TCN2: variants seen among roughly 807,000 people sequenced by gnomAD.
The protein encoded by TCN2 is transcobalamin-2.
TCN2 carries 34 observed loss-of-function variants against 48.6 expected under a neutral mutation model. That is an observed-to-expected ratio of 0.70 (90% CI 0.53 to 0.93). The LOEUF is 0.93. Among genes scored for constraint, TCN2 ranks in the 40% least tolerant of loss-of-function variants. TCN2 has a pLI of 0.00. For missense variants in TCN2, 652 were observed against 526.1 expected, an observed-to-expected ratio of 1.24 and a Z score of -2.34; for synonymous variants, 283 against 212.5, an observed-to-expected ratio of 1.33 and a Z score of -2.89.
chr22:30,622,817 C>A, intron 7 of TCN2, 151 bp from the exon 8 acceptor site: 1 of 775,602 alleles, frequency 1.3e-6, no homozygotes, highest in Non-Finnish European at 2.2e-6. Context: ...AAGTTGAGAT[C>A]ACAGACCTGT....
At chr22:30,610,849 T>C (rs2087527219) in intron 1 of TCN2, 22 bp from the exon 2 acceptor site, 1 of 1,614,030 alleles carries the variant, frequency 6.2e-7, no homozygotes. Context: ...GTGACCTCAT[T>C]TGTACCATTT....
chr22:30,613,673 C>T (rs978135396), intron 3 of TCN2, among the ~76,000 whole-genome samples: 1 of 152,198 alleles, frequency 6.6e-6, no homozygotes, highest in Non-Finnish European at 1.5e-5. Flanking sequence ...ACGCCATAGT[C>T]TGTCTCTACT....
At chr22:30,623,429 T>C in intron 8 of TCN2, 1 of 219,328 alleles carries the variant, frequency 4.6e-6, no homozygotes, top group South Asian at 6.0e-5. Context: ...CTCGGCTCGC[T>C]GCAACCTCCG....
At chr22:30,608,544 A>G (rs189714446) in intron 1 of TCN2, among the ~76,000 whole-genome samples, 96 of 152,110 alleles carry the variant, frequency 6.3e-4, no homozygotes, top group Middle Eastern at 3.4e-3. Context: ...GCATACTACC[A>G]TGCTTGGCTA....
chr22:30,622,269 G>C (rs1248423004), intron 7 of TCN2, among the ~76,000 whole-genome samples: 1 of 152,230 alleles, frequency 6.6e-6, no homozygotes, highest in Non-Finnish European at 1.5e-5. Flanking sequence ...TTACAGGGTT[G>C]AGCCACTGTG....
chr22:30,624,372 C>T (rs1033249873), intron 8 of TCN2, among the ~76,000 whole-genome samples: 1 of 151,940 alleles, frequency 6.6e-6, no homozygotes, highest in Non-Finnish European at 1.5e-5. Context: ...CCACGCCTGG[C>T]CTGCAAACAG....
intron 2 of TCN2, 141 bp downstream of exon 2, chr22:30,611,204 C>G: frequency 9.9e-7 from 1 of 1,011,190 alleles, no homozygotes; most frequent in Non-Finnish European, 1.5e-6. Flanking sequence ...GACCTTTGTC[C>G]ATCTATAGAA....
At chr22:30,612,347 G>A (rs1033149136) in intron 2 of TCN2, among the ~76,000 whole-genome samples, 23 of 152,114 alleles carry the variant, frequency 1.5e-4, no homozygotes, top group African/African-American at 5.1e-4. Flanking sequence ...TTAGGAGTTC[G>A]AAACCAGTCT....
At chr22:30,616,016 C>T (rs1251323105) in intron 6 of TCN2, among the ~76,000 whole-genome samples, 5 of 145,648 alleles carry the variant, frequency 3.4e-5, no homozygotes, top group Non-Finnish European at 7.5e-5. Context: ...ATACCCAGTA[C>T]AGAAATGTTT....
intron 2 of TCN2, among the ~76,000 whole-genome samples, chr22:30,611,474 G>A (rs1053126230): frequency 1.3e-5 from 2 of 152,186 alleles, no homozygotes; most frequent in African/African-American, 2.4e-5. Context: ...GCAGACATCA[G>A]TAATCCATGA....
At chr22:30,609,156 CTTCT>C in intron 1 of TCN2, among the ~76,000 whole-genome samples, 1 of 151,302 alleles carries the variant, frequency 6.6e-6, no homozygotes, top group Non-Finnish European at 1.5e-5. Context: ...TCTCTTTCTT[CTTCT>C]TTTTTTTTTT....
intron 4 of TCN2, among the ~76,000 whole-genome samples, chr22:30,614,890 C>CG (rs1037052540): frequency 2.0e-5 from 3 of 152,130 alleles, no homozygotes; most frequent in Admixed American, 2.0e-4. Context: ...GCCTGGGCAA[C>CG]AGAGTGAGTG....
chr22:30,613,724 A>G (rs756308964), intron 3 of TCN2, among the ~76,000 whole-genome samples: 4 of 152,138 alleles, frequency 2.6e-5, no homozygotes, highest in Non-Finnish European at 5.9e-5. Context: ...CAACAGCCAG[A>G]GCCAGCCTTT....
chr22:30,614,241 T>C (rs1247396213), intron 3 of TCN2, 108 bp from the exon 4 acceptor site: 2 of 1,431,598 alleles, frequency 1.4e-6, no homozygotes, highest in African/African-American at 1.4e-5. Flanking sequence ...AAGGATCCCA[T>C]GACCCAAAAG....
At chr22:30,614,541 C>A in intron 4 of TCN2, 40 bp downstream of exon 4, 1 of 1,612,858 alleles carries the variant, frequency 6.2e-7, no homozygotes, top group East Asian at 2.2e-5. Flanking sequence ...GCTGGCACTC[C>A]CTCAGTCCCC....
In TCN2 at chr22:30,626,584, T is replaced by A. The variant is rs2087814578; in HGVS notation, c.*63T>A. The A allele has an allele frequency of 3.1e-6, 5 of 1,589,882 alleles. No individual in the cohort carries two copies. The highest frequency in any genetic ancestry group is 2.0e-4 in the Middle Eastern group (1 of 5,124). On this transcript the variant is annotated 3_prime_UTR_variant, in exon 9 of 9. Coordinates refer to ENST00000215838, the MANE Select transcript of TCN2 (RefSeq NM_000355.4). ...CCTAGGCTTCTACCCTCCCTCCTGA[T>A]GTCCCTGGAACAGGAACTCGCCTGA...
intron 3 of TCN2, among the ~76,000 whole-genome samples, 163 bp from the exon 4 acceptor site, chr22:30,614,182 GACAC>G (rs1290568965): frequency 6.6e-6 from 1 of 152,184 alleles, no homozygotes; most frequent in Non-Finnish European, 1.5e-5. Context: ...CACAGTGCCT[GACAC>G]ACAGTGAGAC....
At chr22:30,607,599 T>C (rs1474740579) in intron 1 of TCN2, among the ~76,000 whole-genome samples, 1 of 152,214 alleles carries the variant, frequency 6.6e-6, no homozygotes, top group Non-Finnish European at 1.5e-5. Flanking sequence ...ATTCAGTCAT[T>C]CGTTCACACA....
intron 8 of TCN2, among the ~76,000 whole-genome samples, chr22:30,625,636 G>T (rs1316168927): frequency 6.6e-6 from 1 of 152,028 alleles, no homozygotes; most frequent in African/African-American, 2.4e-5. Flanking sequence ...CTAATTTTTT[G>T]TATTTTTAGT....
Sources: gnomAD v4.1 joint callset for allele counts (sites outside exome capture counted in the v4.1 genomes callset) on GRCh38, gnomAD v4.1.1 for gene constraint, MANE v1.5 for transcripts, NCBI Gene and HGNC (gene_info 2026-07-23, HGNC 2026-07-21) for gene names.